The following KCNIP4 variants were observed in gnomAD, a reference collection of about 807,000 sequenced individuals.
The protein encoded by KCNIP4 is potassium voltage-gated channel interacting protein 4, also known as Kv channel-interacting protein 4.
KCNIP4 carries 12 observed loss-of-function variants against 34.0 expected under a neutral mutation model. The observed-to-expected ratio is 0.35, with a 90% CI of 0.23 to 0.57. The LOEUF (loss-of-function observed/expected upper bound fraction) is 0.57. KCNIP4 is among the 20% of genes least tolerant of loss of function. The pLI, the probability that KCNIP4 is intolerant of heterozygous loss-of-function variation, is 0.83. For synonymous variants in KCNIP4, 124 were observed against 102.2 expected (o/e 1.21, Z -1.29); for missense variants, 238 against 311.7 (o/e 0.76, Z 1.78).
chr4:21,384,104 T>G (rs2109487297), intron 1 of KCNIP4, among the ~76,000 whole-genome samples: 1 of 152,160 alleles, frequency 6.6e-6, no homozygotes, highest in South Asian at 2.1e-4. Flanking sequence ...TTTCACCAGG[T>G]TTTTGCATGT....
intron 1 of KCNIP4, among the ~76,000 whole-genome samples, chr4:21,913,289 A>G (rs1381197267): frequency 6.6e-6 from 1 of 151,764 alleles, no homozygotes; most frequent in African/African-American, 2.4e-5. Flanking sequence ...GCAGTGAGCT[A>G]TGATGCTACA....
rs866005944 is a variant in KCNIP4, at chr4:21,506,196, T to A, written c.61+442375A>T. 6.6e-5 allele frequency among the ~76,000 whole-genome samples: 10 copies of A among 152,330 alleles called. No homozygotes were observed. The Middle Eastern group carries it at 0.01, about 155-fold the overall frequency. ...TATCCTACAGCCAGTTGATTTTTTT[T>A]AATTTTTCATTTACATTTTCTTTTC... On this transcript the variant is annotated intron_variant, in intron 1 of 8. Transcript: ENST00000382152.
rs543039014 is a variant in KCNIP4 at position 21,459,987 on chromosome 4, G to A, written c.61+488584C>T. Among the ~76,000 whole-genome samples, 8 of 151,860 alleles carry A rather than the reference G, an allele frequency of 5.3e-5. No individual in the cohort carries two copies. In the South Asian group the frequency reaches 1.7e-3, roughly 32 times the overall value. The stretch of plus-strand genomic sequence containing the variant: ...TACACAAGGGCCACAGTGATCCTGT[G>A]CAAACGCAAATTGGATGATATCACT... On this transcript the variant is annotated intron_variant, in intron 1 of 8. Coordinates refer to ENST00000382152, the MANE Select transcript of KCNIP4 (RefSeq NM_025221.6).
At chr4:20,731,831 G>T in intron 8 of KCNIP4, 175 bp downstream of exon 8, 1 of 985,362 alleles carries the variant, frequency 1.0e-6, no homozygotes, top group Non-Finnish European at 1.2e-6. Flanking sequence ...TCTAAATGTT[G>T]ATTATGTAAT....
At chr4:21,488,894 A>AAG (rs1392900308) in intron 1 of KCNIP4, among the ~76,000 whole-genome samples, 6 of 152,168 alleles carry the variant, frequency 3.9e-5, no homozygotes, top group Non-Finnish European at 7.4e-5. Flanking sequence ...GTATTCAGGC[A>AAG]CAGGGTCTTG....
At chr4:20,767,222 T>C (rs1755491327) in intron 3 of KCNIP4, 1 of 152,192 alleles carries the variant, frequency 6.6e-6, no homozygotes, top group African/African-American at 2.4e-5. Context: ...GAAGTATATA[T>C]GAATTACGCT....
intron 1 of KCNIP4, among the ~76,000 whole-genome samples, chr4:21,793,229 G>A (rs1429157575): frequency 6.6e-6 from 1 of 152,156 alleles, no homozygotes; most frequent in Non-Finnish European, 1.5e-5. Flanking sequence ...TGAAACCTGT[G>A]CACATTGACA....
chr4:21,117,294 G>C (rs1170097164), intron 1 of KCNIP4, among the ~76,000 whole-genome samples: 1 of 75,678 alleles, frequency 1.3e-5, no homozygotes, highest in Non-Finnish European at 2.6e-5. Context: ...GCCTGGCCGG[G>C]GTTGCCGGGG....
chr4:21,844,697 C>T (rs1723898772), intron 1 of KCNIP4: 1 of 151,970 alleles, frequency 6.6e-6, no homozygotes, highest in East Asian at 1.9e-4. Context: ...AAACCTCATT[C>T]CAAAACCCAA....
intron 1 of KCNIP4, among the ~76,000 whole-genome samples, chr4:21,006,894 G>A (rs1408697439): frequency 6.6e-6 from 1 of 152,114 alleles, no homozygotes; most frequent in African/African-American, 2.4e-5. Context: ...TGTAGCACCT[G>A]GAAATAATTA....
intron 1 of KCNIP4, among the ~76,000 whole-genome samples, chr4:21,013,435 G>A (rs1739238509): frequency 6.6e-6 from 1 of 152,024 alleles, no homozygotes; most frequent in Admixed American, 6.6e-5. Flanking sequence ...TCCCCTCAGT[G>A]ACCCACTGAC....
intron 1 of KCNIP4, among the ~76,000 whole-genome samples, chr4:21,045,050 G>A (rs932690070): frequency 2.6e-5 from 4 of 152,222 alleles, no homozygotes; most frequent in Admixed American, 1.3e-4. Flanking sequence ...AGAGATGCAT[G>A]CATTCTCCAG....
intron 1 of KCNIP4, among the ~76,000 whole-genome samples, chr4:21,755,797 C>CA (rs570983267): frequency 6.6e-6 from 1 of 151,810 alleles, no homozygotes; most frequent in Non-Finnish European, 1.5e-5. Flanking sequence ...ATATTGTTTT[C>CA]AAAAAAAAGT....
At chr4:21,123,734 TG>T (rs1213458736) in intron 1 of KCNIP4, among the ~76,000 whole-genome samples, 1 of 152,158 alleles carries the variant, frequency 6.6e-6, no homozygotes, top group East Asian at 1.9e-4. Context: ...GATAAGGTCA[TG>T]TGGGTGGGGC....
chr4:21,255,849 A>C (rs904184992), intron 1 of KCNIP4, among the ~76,000 whole-genome samples: 1 of 152,182 alleles, frequency 6.6e-6, no homozygotes, highest in Non-Finnish European at 1.5e-5. Context: ...ACATGTTGAC[A>C]ATAACCCGGA....
At chr4:21,767,212 A>G (rs1178907597) in intron 1 of KCNIP4, among the ~76,000 whole-genome samples, 2 of 152,132 alleles carry the variant, frequency 1.3e-5, no homozygotes, top group East Asian at 3.9e-4. Context: ...GACTAGTGAT[A>G]CCAGAAGACA....
chr4:21,362,223 C>T (rs1193086982), intron 1 of KCNIP4, among the ~76,000 whole-genome samples: 2 of 152,116 alleles, frequency 1.3e-5, no homozygotes, highest in African/African-American at 4.8e-5. Context: ...GAAGCTATAT[C>T]ACTTATTAGA....
chr4:21,368,373 G>GT (rs1229919274), intron 1 of KCNIP4, among the ~76,000 whole-genome samples: 4 of 146,966 alleles, frequency 2.7e-5, no homozygotes, highest in Non-Finnish European at 5.9e-5. Context: ...TTAGAAAATC[G>GT]TATCTAATAC....
intron 1 of KCNIP4, among the ~76,000 whole-genome samples, chr4:21,218,993 C>T (rs1013797478): frequency 1.2e-4 from 18 of 151,840 alleles, no homozygotes; most frequent in South Asian, 6.2e-4. Flanking sequence ...ATTATAAATT[C>T]GTAAATTTAA....
Sources: allele counts gnomAD v4.1 joint callset (sites outside exome capture counted in the v4.1 genomes callset), GRCh38; gene constraint gnomAD v4.1.1; transcripts MANE v1.5; gene names NCBI Gene and HGNC (gene_info 2026-07-23, HGNC 2026-07-21).